AFF4: variants seen among roughly 807,000 people sequenced by gnomAD.
AFF4 encodes the protein ALF transcription elongation factor 4.
AFF4 carries 13 observed loss-of-function variants against 124.8 expected under a neutral mutation model. The observed-to-expected ratio is 0.10, with a 90% CI of 0.07 to 0.17. The LOEUF is 0.17. AFF4 is among the 10% of genes least tolerant of loss of function. AFF4 has a pLI of 1.00. For synonymous variants in AFF4, 477 were observed against 496.1 expected (o/e 0.96, Z 0.51); for missense variants, 1,092 against 1,403.8 (o/e 0.78, Z 3.55).
At chr5:132,959,743 G>A (rs1160911320) in intron 1 of AFF4, among the ~76,000 whole-genome samples, 1 of 146,898 alleles carries the variant, frequency 6.8e-6, no homozygotes, top group African/African-American at 2.5e-5. Flanking sequence ...TTAACAACAA[G>A]TAGGAGTGCT....
chr5:132,929,250 A>C (rs567015624), intron 4 of AFF4, among the ~76,000 whole-genome samples: 2 of 152,278 alleles, frequency 1.3e-5, no homozygotes, highest in Non-Finnish European at 2.9e-5. Context: ...TTTATATCTC[A>C]AATATCAAAA....
chr5:132,943,646 T>TGAGTGAAGTTTTTC (rs1561508156), intron 1 of AFF4: 1 of 223,766 alleles, frequency 4.5e-6, no homozygotes, highest in Non-Finnish European at 9.9e-6. Context: ...CATGAAGCTT[T>TGAGTGAAGTTTTTC]GAGTGAAGTT....
intron 2 of AFF4, among the ~76,000 whole-genome samples, chr5:132,936,266 C>CAA (rs747936348): frequency 0.061 from 2,773 of 45,302 alleles, 511 homozygotes; most frequent in East Asian, 0.24. Context: ...GACTCCGTCT[C>CAA]AAAAAAAAAA....
At chr5:132,933,135 C>T (rs943359383) in intron 3 of AFF4, among the ~76,000 whole-genome samples, 7 of 151,946 alleles carry the variant, frequency 4.6e-5, no homozygotes, top group African/African-American at 9.7e-5. Flanking sequence ...CGGTGGCTCA[C>T]GCCTGTAATC....
chr5:132,952,559 C>T (rs1399803007), intron 1 of AFF4, among the ~76,000 whole-genome samples: 1 of 152,158 alleles, frequency 6.6e-6, no homozygotes, highest in African/African-American at 2.4e-5. Context: ...GTCTTATTCT[C>T]GTTCATTTTA....
chr5:132,923,783 A>G (rs577565558), intron 5 of AFF4, among the ~76,000 whole-genome samples: 2 of 152,194 alleles, frequency 1.3e-5, no homozygotes, highest in African/African-American at 4.8e-5. Flanking sequence ...CACTTACCCT[A>G]TGAACCAGCA....
In AFF4 at chr5:132,899,602, G is replaced by A. The variant is rs764954634; in HGVS notation, c.1173C>T (p.Asp391=). ...GTAGACACACCTGTTCCCCATCACT[G>A]TCTTCACTGCTGCTTAGTTTTAAGT... ...KDDLKLSSSE[D]SDGEQDCDKT... The change falls in exon 8 of 21, where the codon GAC becomes GAT. Residue 391 remains aspartate (D), a synonymous_variant. Transcript: ENST00000265343. 5.0e-6 allele frequency: 8 copies of A among 1,612,066 alleles called. No individual in the cohort carries two copies. The highest frequency in any genetic ancestry group is 2.5e-6 in the Non-Finnish European group (3 of 1,178,954).
Position 132,879,997 on chromosome 5 carries a change from A to T in AFF4, c.*1062T>A. The T allele has an allele frequency of 2.6e-6, 1 of 384,914 alleles. No individual in the cohort carries two copies. Among genetic ancestry groups the T allele is most frequent in the Non-Finnish European group, 4.6e-6 (1 of 217,314 alleles). 23.8% of individuals were successfully genotyped at this position (384,914 alleles called of 1,614,324 possible). A position where few individuals can be genotyped will look rare whatever the true frequency, so the allele number is the denominator to read the frequency against. Reference sequence around the variant, plus strand: ...TAGCAAAAGCACACACCGAAGCTCCAGCCTATTTCTGTATCAGTCATTGCA... The same window carrying T: ...TAGCAAAAGCACACACCGAAGCTCCTGCCTATTTCTGTATCAGTCATTGCA... On this transcript the variant is annotated 3_prime_UTR_variant, in exon 21 of 21. Transcript: ENST00000265343.
At chr5:132,956,097 G>A (rs887514705) in intron 1 of AFF4, among the ~76,000 whole-genome samples, 4 of 151,678 alleles carry the variant, frequency 2.6e-5, no homozygotes, top group African/African-American at 9.7e-5. Flanking sequence ...CAAGTAAATG[G>A]GGACCTTGTA....
At chr5:132,933,481 G>A (rs1348039803) in intron 3 of AFF4, among the ~76,000 whole-genome samples, 2 of 151,740 alleles carry the variant, frequency 1.3e-5, no homozygotes, top group Non-Finnish European at 1.5e-5. Flanking sequence ...GCCAAGATGA[G>A]AGGATCGCTT....
intron 5 of AFF4, among the ~76,000 whole-genome samples, chr5:132,924,815 A>G (rs1761131641): frequency 6.6e-6 from 1 of 152,058 alleles, no homozygotes; most frequent in South Asian, 2.1e-4. Flanking sequence ...AGATCGCACC[A>G]GGTGACACAG....
intron 1 of AFF4, among the ~76,000 whole-genome samples, chr5:132,954,546 CTTTTTTT>C (rs1204231856): frequency 8.2e-6 from 1 of 122,146 alleles, no homozygotes; most frequent in Non-Finnish European, 1.7e-5. Flanking sequence ...AAACAATGCT[CTTTTTTT>C]TTTTTTTTTT....
At chr5:132,930,623 A>C (rs1046982578) in intron 4 of AFF4, among the ~76,000 whole-genome samples, 1 of 151,846 alleles carries the variant, frequency 6.6e-6, no homozygotes, top group African/African-American at 2.4e-5. Flanking sequence ...AGTGAATTTA[A>C]GTATAGACAC....
At chr5:132,954,400 T>C (rs1392980986) in intron 1 of AFF4, among the ~76,000 whole-genome samples, 1 of 152,098 alleles carries the variant, frequency 6.6e-6, no homozygotes, top group Non-Finnish European at 1.5e-5. Flanking sequence ...TCAAACCCCT[T>C]GTGGGAGGGG....
rs200434302 is a variant in AFF4 at position 132,932,168 on chromosome 5, A to G, written c.963+10T>C. ...AAAGAAATTGAAATGATTTTTTTTA[A>G]AAAACTTACTTTTAGGATTTCATCC... On this transcript the variant is annotated intron_variant, in intron 4 of 20. Coordinates refer to ENST00000265343, the MANE Select transcript of AFF4 (RefSeq NM_014423.4). The G allele has an allele frequency of 3.2e-6, 5 of 1,556,888 alleles. No homozygotes were observed. The South Asian group carries it at 6.0e-5, about 19-fold the overall frequency.
chr5:132,959,111 A>G lies in AFF4; in HGVS notation c.-5+4148T>C, dbSNP rs570876360. ...TACATAAAATGCCTTCTGTCAGAAC[A>G]TTCCTCAGGTTACAGATTTTTTTTT... On this transcript the variant is annotated intron_variant, in intron 1 of 20. Coordinates refer to ENST00000265343, the MANE Select transcript of AFF4 (RefSeq NM_014423.4). Among the ~76,000 whole-genome samples the G allele has an allele frequency of 3.3e-5, 5 of 150,490 alleles. No homozygotes were observed. The East Asian group carries it at 7.8e-4, about 24-fold the overall frequency.
At chr5:132,902,387 C>A in intron 7 of AFF4, 55 bp downstream of exon 7, 1 of 1,379,692 alleles carries the variant, frequency 7.2e-7, no homozygotes, top group African/African-American at 1.4e-5. Flanking sequence ...CTAGATATTA[C>A]AGGTAACTTT....
rs925539472 is a variant in AFF4, at chr5:132,892,490, G to A, written c.2397-86C>T. The A allele has an allele frequency of 6.0e-6, 9 of 1,506,978 alleles. No homozygotes were observed. In the African/African-American group the frequency reaches 1.1e-4, roughly 19 times the overall value. 93.4% of individuals were successfully genotyped at this position (1,506,978 alleles called of 1,614,324 possible). A position where few individuals can be genotyped will look rare whatever the true frequency, so the allele number is the denominator to read the frequency against. On this transcript the variant is annotated intron_variant, in intron 12 of 20. Coordinates refer to ENST00000265343, the MANE Select transcript of AFF4 (RefSeq NM_014423.4). ...TCCATTTCTCTTTGTCTGCTTTCAA[G>A]ACAAATCTGTTTTTCCCCATTTGAT... is the stretch of plus-strand genomic sequence containing the variant.
rs1761371602 is a variant in AFF4, at chr5:132,934,398, G to C, written c.667C>G (p.Pro223Ala). Residue 223 changes from proline to alanine, a missense_variant, in exon 3 of 21, where the codon CCT becomes GCT. By Grantham distance (27) the Pro-to-Ala change is conservative. Coordinates refer to ENST00000265343, the MANE Select transcript of AFF4 (RefSeq NM_014423.4). The stretch of plus-strand genomic sequence containing the variant: ...CCACTTGAAAAAGGTACACGGGAAG[G>C]AGAATCCCAGTTTGCATCAGGGTCC... ...PRDPDANWDS[P>A]SRVPFSSGQH... 2 of 1,614,140 alleles carry C rather than the reference G, an allele frequency of 1.2e-6. No homozygotes were observed. Among genetic ancestry groups the C allele is most frequent in the Non-Finnish European group, 1.7e-6 (2 of 1,180,026 alleles).
Sources: gnomAD v4.1 joint callset for allele counts (sites outside exome capture counted in the v4.1 genomes callset) on GRCh38, gnomAD v4.1.1 for gene constraint, MANE v1.5 for transcripts, NCBI Gene and HGNC (gene_info 2026-07-23, HGNC 2026-07-21) for gene names.